ARPP21: variants seen among roughly 807,000 people sequenced by gnomAD.
ARPP21 encodes cAMP-regulated phosphoprotein 21.
In ARPP21, 69 loss-of-function variants were observed where a neutral mutation model predicts 113.2. The ratio of observed to expected loss-of-function variants is 0.61; its 90% CI spans 0.50 to 0.74. ARPP21 has a LOEUF of 0.74. Ranked by LOEUF, ARPP21 falls within the 30% of genes least tolerant of loss-of-function variation. The pLI, the probability that ARPP21 is intolerant of heterozygous loss-of-function variation, is 0.00. For synonymous variants in ARPP21, 368 were observed against 375.5 expected (o/e 0.98, Z 0.23); for missense variants, 1,070 against 1,037.4 (o/e 1.03, Z -0.43).
Position 35,690,163 on chromosome 3 carries a change from T to C in ARPP21, c.545+23T>C, listed in dbSNP as rs762038005. On this transcript the variant is annotated intron_variant, in intron 8 of 20. Transcript: ENST00000684406. ...CAAGTATGTTAAACTTCAATGCTGG[T>C]TAATTTGATCATGTATCCTAGTTTG... 6 of 1,191,548 alleles carry C rather than the reference T, an allele frequency of 5.0e-6. No individual in the cohort carries two copies. In the East Asian group the frequency reaches 1.4e-4, roughly 28 times the overall value. 73.8% of individuals were successfully genotyped at this position (1,191,548 alleles called of 1,614,324 possible).
chr3:35,667,931 G>GAAGAA (rs1559548560), intron 1 of ARPP21, among the ~76,000 whole-genome samples: 15 of 139,094 alleles, frequency 1.1e-4, no homozygotes, highest in African/African-American at 4.2e-4. Context: ...AGGAGGAGGA[G>GAAGAA]GAGAAGGAGA....
At chr3:35,779,753 T>C (rs2016955) in intron 19 of ARPP21, among the ~76,000 whole-genome samples, 76,963 of 151,772 alleles carry the variant, frequency 0.51, 21,875 homozygotes, top group African/African-American at 0.77. Context: ...CATCAGGCTA[T>C]AAGAATCTCA....
At chr3:35,773,784 C>T (rs1045903562) in intron 19 of ARPP21, among the ~76,000 whole-genome samples, 7 of 152,086 alleles carry the variant, frequency 4.6e-5, no homozygotes, top group African/African-American at 1.7e-4. Context: ...TCAAAAGTAA[C>T]AGCCGTATGT....
In ARPP21 at chr3:35,754,853, T is replaced by A. The variant is rs1399335602; in HGVS notation, c.2137+10888T>A. ...CTACTGGTATTATTAGAATTTTCTG[T>A]AAAGATGGAAAGTAAGACAAATTAT... On this transcript the variant is annotated intron_variant, in intron 19 of 20. Transcript: ENST00000684406. Among the ~76,000 whole-genome samples, 4 of 152,002 alleles carry A rather than the reference T, an allele frequency of 2.6e-5. No homozygotes were observed. The East Asian group carries it at 7.7e-4, about 29-fold the overall frequency.
intron 13 of ARPP21, among the ~76,000 whole-genome samples, chr3:35,720,794 C>A (rs1242358950): frequency 6.6e-6 from 1 of 152,178 alleles, no homozygotes; most frequent in Non-Finnish European, 1.5e-5. Context: ...TCACTTCTGG[C>A]TATTGGATCT....
At chr3:35,757,651 T>C (rs963494539) in intron 19 of ARPP21, among the ~76,000 whole-genome samples, 2 of 152,134 alleles carry the variant, frequency 1.3e-5, no homozygotes, top group African/African-American at 4.8e-5. Flanking sequence ...AACAATGCAG[T>C]GCATAAAGAA....
intron 19 of ARPP21, among the ~76,000 whole-genome samples, chr3:35,790,025 T>C (rs1218898042): frequency 6.6e-6 from 1 of 152,204 alleles, no homozygotes; most frequent in East Asian, 1.9e-4. Flanking sequence ...CCCGCTTCTC[T>C]TTCCCCCACT....
intron 9 of ARPP21, among the ~76,000 whole-genome samples, chr3:35,691,508 G>T (rs542854043): frequency 5.3e-5 from 8 of 151,622 alleles, no homozygotes; most frequent in African/African-American, 1.9e-4. Context: ...TGTGTGACTT[G>T]GAGCAAGTCA....
chr3:35,667,841 A>AAGAAGAAAAG (rs1559547262), intron 1 of ARPP21, among the ~76,000 whole-genome samples: 3,301 of 81,558 alleles, frequency 0.04, 252 homozygotes, highest in Non-Finnish European at 0.044. Flanking sequence ...TTTTATTCTC[A>AAGAAGAAAAG]AAGAAGAAGA....
chr3:35,645,324 T>A (rs755823624), intron 1 of ARPP21, among the ~76,000 whole-genome samples: 9 of 151,848 alleles, frequency 5.9e-5, no homozygotes, highest in Non-Finnish European at 1.3e-4. Flanking sequence ...TCTGTAAACA[T>A]TGGTTTTAAG....
chr3:35,744,627 A>G (rs1306527936), intron 19 of ARPP21: 1 of 420,276 alleles, frequency 2.4e-6, no homozygotes, highest in African/African-American at 2.1e-5. Flanking sequence ...GGCTTGTGCT[A>G]GGGAGAGGTT....
At chr3:35,785,536 A>T (rs1002109311) in intron 19 of ARPP21, among the ~76,000 whole-genome samples, 4 of 152,160 alleles carry the variant, frequency 2.6e-5, no homozygotes, top group African/African-American at 9.7e-5. Flanking sequence ...AAAGAAAGAA[A>T]GAAAACCAGC....
rs774520334 is a variant in ARPP21 at position 35,691,050 on chromosome 3, A to G, written c.686+45A>G. 3.2e-6 allele frequency: 5 copies of G among 1,563,482 alleles called. No homozygotes were observed. The South Asian group carries it at 4.8e-5, about 15-fold the overall frequency. ...TTATTTAGCATTTTCTTTTTCTCCT[A>G]TGGATTCATTTATAAGATCACAGTA... On this transcript the variant is annotated intron_variant, in intron 9 of 20. Coordinates refer to ENST00000684406, the MANE Select transcript of ARPP21 (RefSeq NM_001385562.1).
chr3:35,656,881 T>C (rs1705213618), intron 1 of ARPP21, among the ~76,000 whole-genome samples: 1 of 152,042 alleles, frequency 6.6e-6, no homozygotes, highest in Non-Finnish European at 1.5e-5. Flanking sequence ...GAATTTGCAG[T>C]TGTATGAGGT....
intron 19 of ARPP21, among the ~76,000 whole-genome samples, chr3:35,763,977 A>G (rs2095867170): frequency 6.6e-6 from 1 of 152,142 alleles, no homozygotes; most frequent in Admixed American, 6.6e-5. Context: ...CCGCCTGGGC[A>G]ACATAGGGAA....
At chr3:35,655,181 A>T (rs545938401) in intron 1 of ARPP21, among the ~76,000 whole-genome samples, 2 of 151,998 alleles carry the variant, frequency 1.3e-5, no homozygotes, top group African/African-American at 4.8e-5. Context: ...TACTTTTGAG[A>T]AATATTTCTG....
At chr3:35,645,021 A>G (rs1046913669) in intron 1 of ARPP21, among the ~76,000 whole-genome samples, 5 of 151,986 alleles carry the variant, frequency 3.3e-5, no homozygotes, top group Non-Finnish European at 7.4e-5. Flanking sequence ...CATTAGAAGC[A>G]TTAGTCCAAA....
chr3:35,713,734 TAC>T (rs1419239103), intron 11 of ARPP21, among the ~76,000 whole-genome samples: 1 of 152,172 alleles, frequency 6.6e-6, no homozygotes, highest in Non-Finnish European at 1.5e-5. Flanking sequence ...TACTTTTTAA[TAC>T]AGAGTTTGGG....
At chr3:35,669,180 G>A (rs1002783631) in intron 1 of ARPP21, among the ~76,000 whole-genome samples, 1 of 151,518 alleles carries the variant, frequency 6.6e-6, no homozygotes, top group Non-Finnish European at 1.5e-5. Flanking sequence ...TTATAATTAT[G>A]AGCAAAGAAA....
Sources: gnomAD v4.1 joint callset for allele counts (sites outside exome capture counted in the v4.1 genomes callset) on GRCh38, gnomAD v4.1.1 for gene constraint, MANE v1.5 for transcripts, NCBI Gene and HGNC (gene_info 2026-07-23, HGNC 2026-07-21) for gene names.